Variants in WHR1 observed in about 807,000 individuals in gnomAD.
The protein encoded by WHR1 is winged helix repair factor 1.
the WHR1 span, chr6:31,978,923 G>T: frequency 6.2e-7 from 1 of 1,612,624 alleles, no homozygotes; most frequent in African/African-American, 1.3e-5. Context: ...AAGAGCAGGG[G>T]GAGATCAGAA....
At chr6:31,973,707 C>A in the WHR1 span, among the ~76,000 whole-genome samples, 1 of 152,100 alleles carries the variant, frequency 6.6e-6, no homozygotes, top group African/African-American at 2.4e-5. Flanking sequence ...ATCCACAATG[C>A]TGGGAAACAC....
the WHR1 span, chr6:31,971,235 CTGAT>C: frequency 1.3e-4 from 203 of 1,553,976 alleles, no homozygotes; most frequent in Non-Finnish European, 1.6e-4. This position sits in a 1 kb window ranked among gnomAD's most constrained non-coding sequence, Gnocchi z 4.5. Context: ...CTTCTAAGGA[CTGAT>C]TCTCACCCCG....
the WHR1 span, chr6:31,980,511 G>A: frequency 6.2e-7 from 1 of 1,613,094 alleles, no homozygotes; most frequent in Non-Finnish European, 8.5e-7. Flanking sequence ...GGCTAGCTGT[G>A]CCTGGAGCTG....
At chr6:31,975,931 G>A in the WHR1 span, among the ~76,000 whole-genome samples, 18 of 141,590 alleles carry the variant, frequency 1.3e-4, no homozygotes, top group East Asian at 6.5e-4. Flanking sequence ...CCTCCCTCCC[G>A]GACGGGGCGG....
At chr6:31,972,567 T>C in the WHR1 span, 2 of 1,595,170 alleles carry the variant, frequency 1.3e-6, no homozygotes, top group Non-Finnish European at 1.7e-6. This position sits in a 1 kb window ranked among gnomAD's most constrained non-coding sequence, Gnocchi z 6.3. Context: ...AGAGTTTTGT[T>C]AGAACCGCGT....
At chr6:31,975,602 G>GT in the WHR1 span, among the ~76,000 whole-genome samples, 10,389 of 125,062 alleles carry the variant, frequency 0.083, 524 homozygotes, top group Middle Eastern at 0.22. Context: ...CCAAAGTGCT[G>GT]TTTTTTTTTT....
the WHR1 span, among the ~76,000 whole-genome samples, chr6:31,977,316 C>T: frequency 1.3e-5 from 2 of 150,698 alleles, no homozygotes; most frequent in East Asian, 3.9e-4. Context: ...GCATTACAGG[C>T]ACCTGACACC....
chr6:31,981,168 G>C, the WHR1 span: 1 of 280,804 alleles, frequency 3.6e-6, no homozygotes. Flanking sequence ...GATGAGTGTC[G>C]GGCTCTCGTG....
chr6:31,978,800 C>A, the WHR1 span: 1 of 988,416 alleles, frequency 1.0e-6, no homozygotes, highest in South Asian at 1.6e-5. Context: ...GAGAAAATGC[C>A]CCCATATTGG....
the WHR1 span, among the ~76,000 whole-genome samples, chr6:31,979,197 G>T: frequency 9.9e-5 from 13 of 131,178 alleles, no homozygotes; most frequent in African/African-American, 2.3e-4. Flanking sequence ...GGGTAAAGAG[G>T]GGGGGAGAGG....
the WHR1 span, chr6:31,972,350 C>G: frequency 6.2e-7 from 1 of 1,613,142 alleles, no homozygotes; most frequent in Non-Finnish European, 8.5e-7. The surrounding 1 kb of genome is among the most constrained non-coding windows in gnomAD (Gnocchi z 6.3). Context: ...CCGGAAGACC[C>G]TATTTTCAGG....
At chr6:31,971,248 C>A in the WHR1 span, 1 of 1,542,168 alleles carries the variant, frequency 6.5e-7, no homozygotes, top group Non-Finnish European at 8.7e-7. This position sits in a 1 kb window ranked among gnomAD's most constrained non-coding sequence, Gnocchi z 4.5. Context: ...ATTCTCACCC[C>A]GGCTTTGGCT....
At chr6:31,972,995 G>A in the WHR1 span, 1 of 740,086 alleles carries the variant, frequency 1.4e-6, no homozygotes, top group Non-Finnish European at 2.4e-6. The surrounding 1 kb of genome is among the most constrained non-coding windows in gnomAD (Gnocchi z 6.3). Context: ...GGCATGGTTC[G>A]AACATACAGC....
At chr6:31,972,057 C>T in the WHR1 span, 1 of 1,612,436 alleles carries the variant, frequency 6.2e-7, no homozygotes, top group Non-Finnish European at 8.5e-7. This position sits in a 1 kb window ranked among gnomAD's most constrained non-coding sequence, Gnocchi z 6.3. Context: ...GCGGGCAAAC[C>T]CCTCCCGGGG....
the WHR1 span, among the ~76,000 whole-genome samples, chr6:31,978,369 C>T: frequency 6.6e-6 from 1 of 152,074 alleles, no homozygotes. Context: ...AACTCCTGTC[C>T]TCAATTGATC....
chr6:31,976,417 G>T, the WHR1 span, among the ~76,000 whole-genome samples: 3 of 151,886 alleles, frequency 2.0e-5, no homozygotes, highest in Non-Finnish European at 4.4e-5. Context: ...GGTCGCGGCC[G>T]GGCAGAGGCG....
chr6:31,972,146 C>A, the WHR1 span: 1 of 1,612,906 alleles, frequency 6.2e-7, no homozygotes, highest in Non-Finnish European at 8.5e-7. This position sits in a 1 kb window ranked among gnomAD's most constrained non-coding sequence, Gnocchi z 6.3. Context: ...AACGAGTCCC[C>A]GGGCGTGCGT....
chr6:31,975,794 G>A, the WHR1 span, among the ~76,000 whole-genome samples: 1 of 152,170 alleles, frequency 6.6e-6, no homozygotes, highest in African/African-American at 2.4e-5. Flanking sequence ...GAGCTGTTGG[G>A]CACACCTCCC....
At chr6:31,972,023 T>C in the WHR1 span, 5 of 1,608,314 alleles carry the variant, frequency 3.1e-6, no homozygotes, top group Non-Finnish European at 4.3e-6. This position sits in a 1 kb window ranked among gnomAD's most constrained non-coding sequence, Gnocchi z 6.3. Context: ...CTGCTTTCGA[T>C]GATGCAATCA....
Sources: allele counts gnomAD v4.1 joint callset (sites outside exome capture counted in the v4.1 genomes callset), GRCh38; gene constraint gnomAD v4.1.1; non-coding constraint Gnocchi (gnomAD v3.1); transcripts MANE v1.5; gene names NCBI Gene and HGNC (gene_info 2026-07-23, HGNC 2026-07-21).